The following ARL15 variants were observed in gnomAD, a reference collection of about 807,000 sequenced individuals.
ARL15 encodes ADP-ribosylation factor-like protein 15.
ARL15 carries 19 observed loss-of-function variants against 25.2 expected under a neutral mutation model. The observed-to-expected ratio is 0.75, with a 90% CI of 0.53 to 1.10. ARL15 has a LOEUF of 1.10. Ranked by LOEUF, ARL15 falls within the 50% of genes least tolerant of loss-of-function variation. ARL15 has a pLI of 0.00. For synonymous variants in ARL15, 94 were observed against 86.8 expected (o/e 1.08, Z -0.46); for missense variants, 220 against 246.0 (o/e 0.89, Z 0.71).
At chr5:54,204,729 C>G (rs188569155) in intron 1 of ARL15, among the ~76,000 whole-genome samples, 1 of 152,050 alleles carries the variant, frequency 6.6e-6, no homozygotes, top group Admixed American at 6.6e-5. Context: ...AAAAGCACAC[C>G]GTAGGTATTG....
intron 3 of ARL15, among the ~76,000 whole-genome samples, chr5:54,127,589 C>T (rs1315411816): frequency 3.3e-5 from 5 of 151,746 alleles, no homozygotes; most frequent in Admixed American, 1.3e-4. Context: ...AATGGCCATA[C>T]TGCCCAAGGT....
At chr5:54,163,465 T>C (rs1331441475) in intron 2 of ARL15, among the ~76,000 whole-genome samples, 1 of 145,738 alleles carries the variant, frequency 6.9e-6, no homozygotes, top group Non-Finnish European at 1.5e-5. Flanking sequence ...TTCCCTCCTC[T>C]TCAATTTTCT....
intron 4 of ARL15, chr5:53,951,708 A>G: frequency 2.9e-6 from 1 of 345,856 alleles, no homozygotes; most frequent in South Asian, 2.4e-5. Context: ...TTGTAAATAT[A>G]TTAACTAGAT....
At chr5:53,931,168 C>CATATATATTATATAT (rs1746185202) in intron 4 of ARL15, among the ~76,000 whole-genome samples, 1 of 152,022 alleles carries the variant, frequency 6.6e-6, no homozygotes, top group Non-Finnish European at 1.5e-5. Context: ...TAGCAAACAG[C>CATATATATTATATAT]ATATATATTA....
chr5:54,212,442 C>G (rs1756069904), intron 1 of ARL15, among the ~76,000 whole-genome samples: 1 of 152,024 alleles, frequency 6.6e-6, no homozygotes, highest in African/African-American at 2.4e-5. Flanking sequence ...CAAGCAGACC[C>G]CCTCCCCCAT....
intron 1 of ARL15, among the ~76,000 whole-genome samples, chr5:54,185,764 T>A (rs1755218569): frequency 6.6e-6 from 1 of 152,210 alleles, no homozygotes; most frequent in Admixed American, 6.5e-5. Context: ...ATTATCATCA[T>A]GAGTGCTAAT....
intron 1 of ARL15, among the ~76,000 whole-genome samples, chr5:54,268,352 C>T (rs1757683218): frequency 6.6e-6 from 1 of 152,114 alleles, no homozygotes; most frequent in South Asian, 2.1e-4. Flanking sequence ...ATTGGTTATT[C>T]TAATTATACA....
intron 1 of ARL15, among the ~76,000 whole-genome samples, chr5:54,260,176 G>A (rs988837752): frequency 2.6e-5 from 4 of 152,130 alleles, no homozygotes; most frequent in Admixed American, 2.0e-4. Flanking sequence ...TGCCACTCTG[G>A]AATGCACATC....
At chr5:54,142,981 C>T (rs977566952) in intron 3 of ARL15, among the ~76,000 whole-genome samples, 3 of 152,030 alleles carry the variant, frequency 2.0e-5, no homozygotes, top group Non-Finnish European at 2.9e-5. Context: ...TTATTTTTGT[C>T]TATTTGCTAT....
intron 4 of ARL15, among the ~76,000 whole-genome samples, chr5:54,079,721 G>T (rs2112104018): frequency 6.6e-6 from 1 of 152,230 alleles, no homozygotes; most frequent in African/African-American, 2.4e-5. Context: ...TGTAATCCCA[G>T]CACTTTGGGA....
chr5:54,114,275 G>A (rs1486433531), intron 3 of ARL15, among the ~76,000 whole-genome samples: 1 of 151,712 alleles, frequency 6.6e-6, no homozygotes, highest in African/African-American at 2.4e-5. Context: ...GCGGGTGCCT[G>A]TAATCCCAGC....
chr5:54,296,218 G>A (rs1233949285), intron 1 of ARL15, among the ~76,000 whole-genome samples: 1 of 152,216 alleles, frequency 6.6e-6, no homozygotes, highest in Non-Finnish European at 1.5e-5. Context: ...CTGGTAGGGG[G>A]AAAATGAATC....
chr5:53,946,309 G>T (rs1561160479), intron 4 of ARL15, among the ~76,000 whole-genome samples: 1 of 151,910 alleles, frequency 6.6e-6, no homozygotes, highest in African/African-American at 2.4e-5. Flanking sequence ...CAAAACCCAG[G>T]CGTAGTGGCA....
intron 4 of ARL15, among the ~76,000 whole-genome samples, chr5:54,043,295 G>A (rs1230588052): frequency 6.6e-6 from 1 of 151,978 alleles, no homozygotes; most frequent in Non-Finnish European, 1.5e-5. Flanking sequence ...CTAGGGGTAT[G>A]CCTTATTTAT....
At chr5:54,042,513 C>A (rs955580218) in intron 4 of ARL15, among the ~76,000 whole-genome samples, 1 of 152,174 alleles carries the variant, frequency 6.6e-6, no homozygotes, top group Non-Finnish European at 1.5e-5. Context: ...AAACTCAGAA[C>A]TCAGATCTAT....
intron 4 of ARL15, among the ~76,000 whole-genome samples, chr5:54,000,259 A>G (rs998433047): frequency 1.3e-5 from 2 of 152,196 alleles, no homozygotes; most frequent in African/African-American, 2.4e-5. Context: ...CAAAAAACAA[A>G]AACACCAACT....
chr5:54,058,930 A>G (rs957012266), intron 4 of ARL15, among the ~76,000 whole-genome samples: 1 of 152,184 alleles, frequency 6.6e-6, no homozygotes, highest in African/African-American at 2.4e-5. Context: ...GTGATGATGG[A>G]AGCACTGGGG....
At chr5:54,242,657 G>A (rs937033619) in intron 1 of ARL15, among the ~76,000 whole-genome samples, 2 of 152,158 alleles carry the variant, frequency 1.3e-5, no homozygotes, top group Non-Finnish European at 2.9e-5. Context: ...CCACCAGGAA[G>A]GGAAGCCTCT....
intron 3 of ARL15, among the ~76,000 whole-genome samples, chr5:54,146,028 C>T (rs540768593): frequency 1.3e-5 from 2 of 152,192 alleles, no homozygotes; most frequent in East Asian, 1.9e-4. Flanking sequence ...CTAACTGCAT[C>T]TTATACTCAG....
Sources: allele counts gnomAD v4.1 joint callset (sites outside exome capture counted in the v4.1 genomes callset), GRCh38; gene constraint gnomAD v4.1.1; transcripts MANE v1.5; gene names NCBI Gene and HGNC (gene_info 2026-07-23, HGNC 2026-07-21).